The following HHAT variants were observed in gnomAD, a reference collection of about 807,000 sequenced individuals.
HHAT encodes the protein protein-cysteine N-palmitoyltransferase HHAT.
HHAT carries 47 observed loss-of-function variants against 70.8 expected under a neutral mutation model. The ratio of observed to expected loss-of-function variants is 0.66; its 90% CI spans 0.53 to 0.85. The LOEUF is 0.85. Among genes scored for constraint, HHAT ranks in the 40% least tolerant of loss-of-function variants. The pLI, the probability that HHAT is intolerant of heterozygous loss-of-function variation, is 0.00. For synonymous variants in HHAT, 228 were observed against 247.6 expected (o/e 0.92, Z 0.74); for missense variants, 609 against 604.8 (o/e 1.01, Z -0.07).
At chr1:210,540,263 C>A (rs2095414274) in intron 9 of HHAT, among the ~76,000 whole-genome samples, 1 of 152,180 alleles carries the variant, frequency 6.6e-6, no homozygotes, top group South Asian at 2.1e-4. Context: ...AGATGTTCCG[C>A]AACAGCTTTT....
chr1:210,624,589 T>C (rs1274727463), intron 11 of HHAT, among the ~76,000 whole-genome samples: 1 of 152,238 alleles, frequency 6.6e-6, no homozygotes, highest in Non-Finnish European at 1.5e-5. Context: ...ACCTTATGTT[T>C]AATGTGCATT....
rs145252599 is a variant in HHAT, at chr1:210,610,077, A to C, written c.1246-13449A>C. Among the ~76,000 whole-genome samples the C allele has an allele frequency of 1.1e-3, 165 of 152,258 alleles. 1 individual carries two copies. Among genetic ancestry groups the C allele is most frequent in the African/African-American group, 3.9e-3 (160 of 41,540 alleles). On this transcript the variant is annotated intron_variant, in intron 10 of 11. Transcript: ENST00000261458. The stretch of plus-strand genomic sequence containing the variant: ...TGGTATTTCTGCTTCTAGGTCTTTG[A>C]GGAATTGCCACAGTGTCTTCCACAA...
At chr1:210,334,266 C>T (rs2085281888) in intron 1 of HHAT, among the ~76,000 whole-genome samples, 1 of 147,900 alleles carries the variant, frequency 6.8e-6, no homozygotes, top group Admixed American at 7.0e-5. Context: ...TCCCAGGCTC[C>T]CACCTCAGCC....
chr1:210,659,863 C>T (rs920741946), intron 11 of HHAT, among the ~76,000 whole-genome samples: 3 of 152,146 alleles, frequency 2.0e-5, no homozygotes, highest in African/African-American at 7.2e-5. Context: ...TGACAAAATT[C>T]AACAGCCCTT....
intron 8 of HHAT, among the ~76,000 whole-genome samples, chr1:210,503,700 T>C (rs1457562635): frequency 6.6e-6 from 1 of 152,186 alleles, no homozygotes; most frequent in East Asian, 1.9e-4. Context: ...CCTCTCCTTC[T>C]CATCCTCTCT....
chr1:210,382,137 G>T (rs969483507), intron 3 of HHAT, among the ~76,000 whole-genome samples: 17 of 152,328 alleles, frequency 1.1e-4, no homozygotes, highest in African/African-American at 3.8e-4. Context: ...AAGGAGGAAA[G>T]ATTTACTCAG....
intron 11 of HHAT, among the ~76,000 whole-genome samples, chr1:210,667,076 CA>C (rs199677873): frequency 0.037 from 4,250 of 114,992 alleles, 200 homozygotes; most frequent in African/African-American, 0.12. Context: ...CAAAACATCT[CA>C]AAAAAAAAAA....
At chr1:210,512,803 T>G (rs551619037) in intron 8 of HHAT, among the ~76,000 whole-genome samples, 2 of 151,580 alleles carry the variant, frequency 1.3e-5, no homozygotes, top group South Asian at 4.2e-4. Context: ...ACCTGGGAGA[T>G]CTCCTCTCAT....
intron 9 of HHAT, among the ~76,000 whole-genome samples, chr1:210,572,636 G>A (rs937585358): frequency 6.6e-6 from 1 of 152,132 alleles, no homozygotes; most frequent in African/African-American, 2.4e-5. Context: ...GCTCGTGCCT[G>A]TAATCCCAGT....
rs902672811 is a variant in HHAT, at chr1:210,676,112, CAA to C, written c.*1736_*1737del. ...AATGTATGTGCACATATAAGTAATACAAAAGTTTTGAGCTCTTCCAAGTATAC... is the reference window on the plus strand; with the variant it reads ...AATGTATGTGCACATATAAGTAATACAAGTTTTGAGCTCTTCCAAGTATAC... On this transcript the variant is annotated 3_prime_UTR_variant, in exon 12 of 12. Coordinates refer to ENST00000261458, the MANE Select transcript of HHAT (RefSeq NM_018194.6). 1.3e-5 allele frequency: 2 copies of C among 152,110 alleles called. No individual in the cohort carries two copies. The highest frequency in any genetic ancestry group is 1.3e-4 in the Admixed American group (2 of 15,288). The allele number at this position is 152,110 out of a possible 1,614,324, so 9.4% of individuals were successfully genotyped here.
chr1:210,611,937 T>C (rs1392224226), intron 10 of HHAT, among the ~76,000 whole-genome samples: 2 of 152,328 alleles, frequency 1.3e-5, no homozygotes, highest in East Asian at 3.9e-4. Context: ...TTTACATCAA[T>C]GTTCATCAAG....
intron 3 of HHAT, among the ~76,000 whole-genome samples, chr1:210,365,475 T>G (rs1021440511): frequency 2.6e-5 from 4 of 151,492 alleles, no homozygotes; most frequent in African/African-American, 9.7e-5. Flanking sequence ...TGCAACCACA[T>G]CCAGCTAATT....
At chr1:210,654,740 T>G (rs1489847586) in intron 11 of HHAT, among the ~76,000 whole-genome samples, 4 of 152,218 alleles carry the variant, frequency 2.6e-5, no homozygotes, top group African/African-American at 9.6e-5. Flanking sequence ...CCCCATGGAA[T>G]GAGTACAGTG....
At chr1:210,616,230 A>G (rs1667699772) in intron 10 of HHAT, among the ~76,000 whole-genome samples, 1 of 151,906 alleles carries the variant, frequency 6.6e-6, no homozygotes, top group African/African-American at 2.4e-5. Flanking sequence ...CAAGAATATG[A>G]CATATTGTTA....
chr1:210,416,893 A>G (rs1341172187), intron 6 of HHAT, among the ~76,000 whole-genome samples: 1 of 152,198 alleles, frequency 6.6e-6, no homozygotes, highest in African/African-American at 2.4e-5. Context: ...TAATCACCAC[A>G]ACAATGTTTT....
intron 6 of HHAT, among the ~76,000 whole-genome samples, chr1:210,413,967 G>A (rs1301261468): frequency 2.0e-5 from 3 of 152,026 alleles, no homozygotes; most frequent in South Asian, 2.1e-4. Flanking sequence ...TGGGTATTTT[G>A]TTACAGCAGC....
At chr1:210,344,455 A>G (rs4844520) in intron 1 of HHAT, among the ~76,000 whole-genome samples, 18,461 of 152,084 alleles carry the variant, frequency 0.12, 1,618 homozygotes, top group Admixed American at 0.27. Flanking sequence ...TGGTGTGTCT[A>G]AATGGTCCCA....
chr1:210,591,905 T>G (rs965198036), intron 10 of HHAT, among the ~76,000 whole-genome samples: 8 of 152,300 alleles, frequency 5.3e-5, no homozygotes, highest in Admixed American at 2.6e-4. Flanking sequence ...TAGAGTTGTT[T>G]GAGCTCCTTA....
intron 9 of HHAT, among the ~76,000 whole-genome samples, chr1:210,572,019 C>T (rs1361520748): frequency 3.3e-5 from 5 of 152,140 alleles, no homozygotes; most frequent in South Asian, 4.1e-4. Flanking sequence ...AAATGCTTAC[C>T]GGCCCATTGT....
Sources: gnomAD v4.1 joint callset for allele counts (sites outside exome capture counted in the v4.1 genomes callset) on GRCh38, gnomAD v4.1.1 for gene constraint, MANE v1.5 for transcripts, NCBI Gene and HGNC (gene_info 2026-07-23, HGNC 2026-07-21) for gene names.